The following NUDCD3 variants were observed in gnomAD, a reference collection of about 807,000 sequenced individuals.
The protein encoded by NUDCD3 is nudC domain-containing protein 3.
In NUDCD3, 13 loss-of-function variants were observed where a neutral mutation model predicts 39.7. The observed-to-expected ratio is 0.33, with a 90% CI of 0.21 to 0.52. The LOEUF (loss-of-function observed/expected upper bound fraction) is 0.52, where lower values mean the gene tolerates loss of function less well. Among genes scored for constraint, NUDCD3 ranks in the 20% least tolerant of loss-of-function variants. The pLI is 0.96. For synonymous variants in NUDCD3, 175 were observed against 172.4 expected, an observed-to-expected ratio of 1.02 and a Z score of -0.12; for missense variants, 453 against 458.1, an observed-to-expected ratio of 0.99 and a Z score of 0.10.
At chr7:44,490,191 A>T in intron 1 of NUDCD3, 1 of 534,090 alleles carries the variant, frequency 1.9e-6, no homozygotes, top group Non-Finnish European at 3.3e-6. Context: ...CAGTCGGCTT[A>T]CTACTTCTGA....
At chr7:44,447,469 A>C (rs1239814182) in intron 2 of NUDCD3, among the ~76,000 whole-genome samples, 1 of 152,140 alleles carries the variant, frequency 6.6e-6, no homozygotes, top group Non-Finnish European at 1.5e-5. Flanking sequence ...CTATGACTAG[A>C]TTAAGGCATT....
At chr7:44,387,086 C>T (rs1029097440) in intron 5 of NUDCD3, among the ~76,000 whole-genome samples, 6 of 152,184 alleles carry the variant, frequency 3.9e-5, no homozygotes, top group Non-Finnish European at 7.4e-5. Flanking sequence ...GCCCAGAAAA[C>T]GAGGCTGTGG....
chr7:44,390,649 G>A (rs1440727295), intron 5 of NUDCD3, among the ~76,000 whole-genome samples: 5 of 152,118 alleles, frequency 3.3e-5, no homozygotes, highest in Non-Finnish European at 5.9e-5. Context: ...TCTTTCTCCC[G>A]AAGGTCAACT....
chr7:44,467,943 G>A (rs780733801), intron 2 of NUDCD3: 10 of 1,609,452 alleles, frequency 6.2e-6, no homozygotes, highest in African/African-American at 1.3e-5. Flanking sequence ...GTCAAAAAGA[G>A]AACCAAGAAG....
chr7:44,393,890 TCC>T lies in NUDCD3; in HGVS notation c.787-1407_787-1406del, dbSNP rs763536843. Among the ~76,000 whole-genome samples, 3 of 151,942 alleles carry T rather than the reference TCC, an allele frequency of 2.0e-5. No individual in the cohort carries two copies. The East Asian group carries it at 5.8e-4, about 30-fold the overall frequency. ...CACAGTGAGTCCACAGGACACCACGTCCCCCCAAGAGGGAGCACTGGAGACTC... is the reference window on the plus strand; with the variant it reads ...CACAGTGAGTCCACAGGACACCACGTCCCCAAGAGGGAGCACTGGAGACTC... On this transcript the variant is annotated intron_variant, in intron 4 of 5. Coordinates refer to ENST00000355451, the MANE Select transcript of NUDCD3 (RefSeq NM_015332.4).
At chr7:44,444,781 C>T (rs1246797099) in intron 2 of NUDCD3, among the ~76,000 whole-genome samples, 3 of 152,180 alleles carry the variant, frequency 2.0e-5, no homozygotes, top group African/African-American at 7.2e-5. Flanking sequence ...TGCCTCATGC[C>T]TCACTCTTCC....
chr7:44,442,951 C>A (rs960018870), intron 2 of NUDCD3, among the ~76,000 whole-genome samples: 1 of 152,138 alleles, frequency 6.6e-6, no homozygotes. Flanking sequence ...ATCCACCCAC[C>A]TTGGCCTCCC....
chr7:44,456,153 G>A (rs972253630), intron 2 of NUDCD3, among the ~76,000 whole-genome samples: 2 of 150,054 alleles, frequency 1.3e-5, no homozygotes, highest in Admixed American at 1.3e-4. Context: ...ACTAGGATTA[G>A]AGAACATAGC....
chr7:44,403,825 A>C (rs529608945), intron 4 of NUDCD3, among the ~76,000 whole-genome samples: 1 of 152,230 alleles, frequency 6.6e-6, no homozygotes, highest in Non-Finnish European at 1.5e-5. Flanking sequence ...GAAAAAAAGG[A>C]AACAAGTTAG....
At chr7:44,388,162 T>C (rs1280612737) in intron 5 of NUDCD3, among the ~76,000 whole-genome samples, 1 of 152,238 alleles carries the variant, frequency 6.6e-6, no homozygotes, top group Non-Finnish European at 1.5e-5. Flanking sequence ...AGAAGCACAA[T>C]TTGAAATCTT....
chr7:44,463,217 C>T (rs2116952228), intron 2 of NUDCD3, among the ~76,000 whole-genome samples: 1 of 152,268 alleles, frequency 6.6e-6, no homozygotes, highest in South Asian at 2.1e-4. Flanking sequence ...TAGGGTATAA[C>T]AATGGAATGA....
intron 4 of NUDCD3, among the ~76,000 whole-genome samples, chr7:44,398,803 C>T (rs768792831): frequency 6.6e-6 from 1 of 152,118 alleles, no homozygotes; most frequent in Admixed American, 6.5e-5. Context: ...CACCTCAGAG[C>T]GAGGGCAGAT....
At chr7:44,410,862 G>A (rs1798910193) in intron 3 of NUDCD3, among the ~76,000 whole-genome samples, 1 of 152,012 alleles carries the variant, frequency 6.6e-6, no homozygotes, top group African/African-American at 2.4e-5. Flanking sequence ...AGCTACTCGG[G>A]AGGCTGAGGC....
intron 3 of NUDCD3, among the ~76,000 whole-genome samples, chr7:44,414,683 C>T (rs1368409907): frequency 3.3e-5 from 5 of 152,100 alleles, no homozygotes; most frequent in African/African-American, 9.7e-5. Flanking sequence ...ATGTGTTATG[C>T]ACTCAAAAAT....
rs77609257 is a variant in NUDCD3 at position 44,428,456 on chromosome 7, G to T, written c.510-753C>A. On this transcript the variant is annotated intron_variant, in intron 2 of 5. Transcript: ENST00000355451. Reference sequence around the variant, plus strand: ...AAAACTCTGCTCAAAAAAAAAAAAGGCAAAACCACTTCATCCTGCAGCTGC... The same window carrying T: ...AAAACTCTGCTCAAAAAAAAAAAAGTCAAAACCACTTCATCCTGCAGCTGC... Among the ~76,000 whole-genome samples the T allele has an allele frequency of 4.7e-5, 7 of 148,854 alleles. No individual in the cohort carries two copies. The South Asian group carries it at 1.5e-3, about 31-fold the overall frequency.
In NUDCD3 at chr7:44,404,490, T is replaced by C; in HGVS notation, c.736A>G (p.Ile246Val). 1 of 1,614,000 alleles carries C rather than the reference T, an allele frequency of 6.2e-7. No individual in the cohort carries two copies. The highest frequency in any genetic ancestry group is 1.1e-5 in the South Asian group (1 of 91,064). ...CTCCAGAGAGAACTCTCAGTGTTGA[T>C]CTTGTGGGTGAGCTTCCCTTCCATG... ...VLMEGKLTHK[I>V]NTESSLWSLE... Residue 246 changes from isoleucine (I) to valine (V), a missense_variant, in exon 4 of 6, where the codon ATC (isoleucine) becomes GTC (valine). By Grantham distance (29) the Ile-to-Val change is conservative (BLOSUM62 3). Coordinates refer to ENST00000355451, the MANE Select transcript of NUDCD3 (RefSeq NM_015332.4).
intron 3 of NUDCD3, among the ~76,000 whole-genome samples, chr7:44,410,765 G>C (rs956675282): frequency 6.6e-6 from 1 of 151,848 alleles, no homozygotes; most frequent in Non-Finnish European, 1.5e-5. Context: ...TCAAGAGATC[G>C]ACATTATCCT....
intron 2 of NUDCD3, among the ~76,000 whole-genome samples, chr7:44,476,778 AC>A (rs999073622): frequency 1.3e-5 from 2 of 152,142 alleles, no homozygotes; most frequent in Admixed American, 6.5e-5. Flanking sequence ...GCCCCTAATC[AC>A]TGAAAATGTG....
In NUDCD3 at chr7:44,386,022, C is replaced by T. The variant is rs758871075; in HGVS notation, c.1075G>A (p.Val359Met). ...PAMFNISPGA[V>M]QF ...TTTCCTTCTGGTCATTAAAACTGCA[C>T]AGCCCCCGGGGAGATGTTGAACATG... The change falls in exon 6 of 6, where the codon GTG becomes ATG. Residue 359 changes from valine (V) to methionine (M), a missense_variant. Physicochemically the swap from Val to Met is conservative, Grantham distance 21. Coordinates refer to ENST00000355451, the MANE Select transcript of NUDCD3 (RefSeq NM_015332.4). 13 of 1,519,382 alleles carry T rather than the reference C, an allele frequency of 8.6e-6. No individual in the cohort carries two copies. Among genetic ancestry groups the T allele is most frequent in the Middle Eastern group, 1.7e-4 (1 of 5,828 alleles). The allele number at this position is 1,519,382 out of a possible 1,614,324, so 94.1% of individuals were successfully genotyped here.
Sources: gnomAD v4.1 joint callset for allele counts (sites outside exome capture counted in the v4.1 genomes callset) on GRCh38, gnomAD v4.1.1 for gene constraint, MANE v1.5 for transcripts, NCBI Gene and HGNC (gene_info 2026-07-23, HGNC 2026-07-21) for gene names.